Variants in ING1 observed in about 807,000 individuals in gnomAD.
ING1 encodes inhibitor of growth protein 1.
ING1 carries 4 observed loss-of-function variants against 23.1 expected under a neutral mutation model. That is an observed-to-expected ratio of 0.17 (90% CI 0.09 to 0.40). The LOEUF (loss-of-function observed/expected upper bound fraction) is 0.40. Among genes scored for constraint, ING1 ranks in the 10% least tolerant of loss-of-function variants. The probability of loss-of-function intolerance (pLI) is 1.00; values close to 1 mark genes in which losing one functional copy is unlikely to be tolerated. For missense variants in ING1, 256 were observed against 393.8 expected, an observed-to-expected ratio of 0.65 and a Z score of 2.96; for synonymous variants, 179 against 166.4, an observed-to-expected ratio of 1.08 and a Z score of -0.58.
At chr13:110,712,681 C>T (rs1421153325), upstream of ING1, 1 of 662,840 alleles carries the variant, frequency 1.5e-6, no homozygotes, top group African/African-American at 1.8e-5. Context: ...CCTCAGGACG[C>T]CGGCCGACCG....
intron 1 of ING1, chr13:110,715,105 C>T (rs1307947268): frequency 2.8e-6 from 3 of 1,071,676 alleles, no homozygotes; most frequent in Non-Finnish European, 2.3e-6. Flanking sequence ...CTGGCCGCCC[C>T]GGGTGTCAGA....
At chr13:110,715,029 G>A (rs2064096565) in intron 1 of ING1, 1 of 995,448 alleles carries the variant, frequency 1.0e-6, no homozygotes, top group Non-Finnish European at 1.2e-6. Context: ...GGGGGGGCGC[G>A]GGCAGATCGC....
At chr13:110,716,208 A>G (rs1185403738) in intron 1 of ING1, among the ~76,000 whole-genome samples, 1 of 152,178 alleles carries the variant, frequency 6.6e-6, no homozygotes, top group African/African-American at 2.4e-5. Flanking sequence ...AGCTGTCCAG[A>G]CAGCAAAGTT....
intron 1 of ING1, among the ~76,000 whole-genome samples, chr13:110,717,064 A>G (rs1481171366): frequency 6.6e-6 from 1 of 152,318 alleles, no homozygotes. Flanking sequence ...CTGTGTTATT[A>G]AATTTTAAAT....
Position 110,719,545 on chromosome 13 carries a change from G to A in ING1, c.453G>A (p.Arg151=), listed in dbSNP as rs148838936. Residue 151 remains arginine, a synonymous_variant, in exon 2 of 2, where the codon CGG becomes CGA. Transcript: ENST00000333219. This position sits in a 1 kb window ranked among gnomAD's most constrained non-coding sequence, Gnocchi z 8.9. The part of the protein sequence containing the change: ...QADKPNSKRS[R]RQRNNENREN... ...ACAAGCCCAACAGCAAGCGCTCACG[G>A]CGGCAGCGCAACAACGAGAACCGTG... 4.5e-4 allele frequency: 724 copies of A among 1,610,474 alleles called. 2 individuals are homozygous for A. In the East Asian group the frequency reaches 9.4e-3, roughly 21 times the overall value.
Position 110,715,685 on chromosome 13 carries a change from G to A in ING1, c.136+1400G>A, listed in dbSNP as rs927683467. On this transcript the variant is annotated intron_variant, in intron 1 of 1. Transcript: ENST00000333219. ...GGCGGGCCGTGCTCTTCCGCCCTGC[G>A]GTGTGGTTGGTTCTCCTCCTGGCCT... is the stretch of plus-strand genomic sequence containing the variant. The A allele has an allele frequency of 2.5e-6, 4 of 1,602,036 alleles. No individual in the cohort carries two copies. The African/African-American group carries it at 4.0e-5, about 16-fold the overall frequency.
Position 110,719,457 on chromosome 13 carries a change from C to T in ING1, c.365C>T (p.Thr122Ile). The change falls in exon 2 of 2, where the codon ACA becomes ATA. Residue 122 changes from threonine to isoleucine, a missense_variant. By Grantham distance (89) the Thr-to-Ile change is moderately conservative. Coordinates refer to ENST00000333219, the MANE Select transcript of ING1 (RefSeq NM_198219.3). This position sits in a 1 kb window ranked among gnomAD's most constrained non-coding sequence, Gnocchi z 8.9. ...GAGGCGCAGCAGGAGCTGGGCGACA[C>T]AGCGGGCAACAGCGGCAAGGCTGGC... Reference protein sequence around the residue: ...LFEAQQELGDTAGNSGKAGAD... With the variant: ...LFEAQQELGDIAGNSGKAGAD... The T allele has an allele frequency of 6.2e-7, 1 of 1,612,792 alleles. No individual in the cohort carries two copies. Among genetic ancestry groups the T allele is most frequent in the Non-Finnish European group, 8.5e-7 (1 of 1,179,594 alleles).
rs1296539791 is a variant in ING1, at chr13:110,719,968, T to C, written c.*36T>C. Reference sequence around the variant, plus strand: ...GGCGCCTGGTGTGAGGAGGACAAAATAAACCGTGTATTTATTACATTGCTG... The same window carrying C: ...GGCGCCTGGTGTGAGGAGGACAAAACAAACCGTGTATTTATTACATTGCTG... On this transcript the variant is annotated 3_prime_UTR_variant, in exon 2 of 2. Coordinates refer to ENST00000333219, the MANE Select transcript of ING1 (RefSeq NM_198219.3). This position sits in a 1 kb window ranked among gnomAD's most constrained non-coding sequence, Gnocchi z 8.9. 6.9e-7 allele frequency: 1 copy of C among 1,448,906 alleles called. No homozygotes were observed. Among genetic ancestry groups the C allele is most frequent in the East Asian group, 2.4e-5 (1 of 42,452 alleles). The allele number at this position is 1,448,906 out of a possible 1,614,324, so 89.8% of individuals were successfully genotyped here.
In ING1 at chr13:110,713,825, G is replaced by T. The variant is rs2064071335; in HGVS notation, c.-325G>T. 9.2e-6 allele frequency: 9 copies of T among 983,106 alleles called. No individual in the cohort carries two copies. The South Asian group carries it at 3.3e-4, about 36-fold the overall frequency. The allele number at this position is 983,106 out of a possible 1,614,324, so 60.9% of individuals were successfully genotyped here. On this transcript the variant is annotated 5_prime_UTR_variant, in exon 1 of 2. Coordinates refer to ENST00000333219, the MANE Select transcript of ING1 (RefSeq NM_198219.3). ...TGGGCAGCGGCGGCCGCGGCGCTGG[G>T]CCCTCTCCCGCCGGTGTGTGCGCGC...
At chr13:110,712,629 A>C, upstream of ING1, 3 of 514,098 alleles carry the variant, frequency 5.8e-6, no homozygotes, top group East Asian at 4.1e-5. Context: ...TTGGGAGGGT[A>C]GAGGGGCGAC....
chr13:110,717,074 T>C (rs2064130023), intron 1 of ING1, among the ~76,000 whole-genome samples: 1 of 152,232 alleles, frequency 6.6e-6, no homozygotes. Flanking sequence ...AAATTTTAAA[T>C]TTATATGATA....
In ING1 at chr13:110,723,262, T is replaced by G. The variant is rs1230555360; in HGVS notation, c.*3330T>G. On this transcript the variant is annotated 3_prime_UTR_variant, in exon 2 of 2. Coordinates refer to ENST00000333219, the MANE Select transcript of ING1 (RefSeq NM_198219.3). The stretch of plus-strand genomic sequence containing the variant: ...GCTGGTGGTTCTCTTTTGGTGTGAT[T>G]AGAGCTATGTGAGTTGTCTCAATAC... 6.6e-6 allele frequency: 1 copy of G among 151,984 alleles called. No individual in the cohort carries two copies. The highest frequency in any genetic ancestry group is 1.9e-4 in the East Asian group (1 of 5,184). 9.4% of individuals were successfully genotyped at this position (151,984 alleles called of 1,614,324 possible). A position where few individuals can be genotyped will look rare whatever the true frequency, so the allele number is the denominator to read the frequency against.
chr13:110,713,966 T>A lies in ING1; in HGVS notation c.-184T>A. 1 of 1,052,222 alleles carries A rather than the reference T, an allele frequency of 9.5e-7. No homozygotes were observed. Among genetic ancestry groups the A allele is most frequent in the East Asian group, 6.7e-5 (1 of 14,936 alleles). 65.2% of individuals were successfully genotyped at this position (1,052,222 alleles called of 1,614,324 possible). A position where few individuals can be genotyped will look rare whatever the true frequency, so the allele number is the denominator to read the frequency against. ...CGGCCCGCGCCCTCAGGCGCTGGGG[T>A]CCCCGCGGACCCGGAGGCGGCGGAC... is the stretch of plus-strand genomic sequence containing the variant. On this transcript the variant is annotated 5_prime_UTR_variant, in exon 1 of 2. Transcript: ENST00000333219.
intron 1 of ING1, among the ~76,000 whole-genome samples, chr13:110,717,220 T>C (rs1038803358): frequency 4.6e-5 from 7 of 152,238 alleles, no homozygotes; most frequent in Non-Finnish European, 5.9e-5. Context: ...ATAAGTTGAA[T>C]AAATTGGTAT....
At chr13:110,713,118 T>A (rs2064055868), upstream of ING1, 1 of 1,429,904 alleles carries the variant, frequency 7.0e-7, no homozygotes, top group Non-Finnish European at 9.1e-7. Context: ...GTAGTAAGAG[T>A]CCGGGGGGCA....
At chr13:110,713,483 T>G, upstream of ING1, 1 of 988,216 alleles carries the variant, frequency 1.0e-6, no homozygotes, top group Non-Finnish European at 1.2e-6. Context: ...CCAGCGGCCC[T>G]GACGCTGTCC....
intron 1 of ING1, chr13:110,716,147 T>C: frequency 5.7e-6 from 5 of 877,188 alleles, no homozygotes; most frequent in Non-Finnish European, 6.4e-6. Flanking sequence ...TGAGACCACT[T>C]TGATCGTTCG....
chr13:110,717,688 G>A (rs921394395), intron 1 of ING1, among the ~76,000 whole-genome samples: 8 of 152,194 alleles, frequency 5.3e-5, no homozygotes. Flanking sequence ...TTAGCCGGGC[G>A]TGGTATTACA....
rs2139964554 is a variant in ING1, at chr13:110,714,098, G to T, written c.-52G>T. ...TGCTATTTTTTGAGGGGGGCGGGGG[G>T]TGGAGGAAGCGGAAAGCCGCGCCGA... is the stretch of plus-strand genomic sequence containing the variant. On this transcript the variant is annotated 5_prime_UTR_variant, in exon 1 of 2. Coordinates refer to ENST00000333219, the MANE Select transcript of ING1 (RefSeq NM_198219.3). 2 of 1,495,210 alleles carry T rather than the reference G, an allele frequency of 1.3e-6. No homozygotes were observed. The highest frequency in any genetic ancestry group is 1.8e-6 in the Non-Finnish European group (2 of 1,119,630). 92.6% of individuals were successfully genotyped at this position (1,495,210 alleles called of 1,614,324 possible).
Sources: allele counts gnomAD v4.1 joint callset (sites outside exome capture counted in the v4.1 genomes callset), GRCh38; gene constraint gnomAD v4.1.1; non-coding constraint Gnocchi (gnomAD v3.1); transcripts MANE v1.5; gene names NCBI Gene and HGNC (gene_info 2026-07-23, HGNC 2026-07-21).